RALYL: variants seen among roughly 807,000 people sequenced by gnomAD.
RALYL encodes RNA-binding Raly-like protein.
A neutral mutation model predicts 35.1 loss-of-function variants in RALYL; 29 were observed. That is an observed-to-expected ratio of 0.83 (90% confidence interval 0.61 to 1.13). The LOEUF (loss-of-function observed/expected upper bound fraction) is 1.13, where lower values mean the gene tolerates loss of function less well. Ranked by LOEUF, RALYL falls within the 50% of genes most tolerant of loss-of-function variation. The pLI, the probability that RALYL is intolerant of heterozygous loss-of-function variation, is 0.00. For missense variants in RALYL, 359 were observed against 360.4 expected (o/e 1.00, Z 0.03); for synonymous variants, 120 against 127.6 (o/e 0.94, Z 0.40).
intron 1 of RALYL, among the ~76,000 whole-genome samples, chr8:84,467,317 C>T (rs866271310): frequency 0.035 from 5,346 of 151,112 alleles, 133 homozygotes; most frequent in Non-Finnish European, 0.038. Flanking sequence ...GCTTTGAATG[C>T]GTCCCAGAGA....
chr8:84,318,173 T>C (rs1844117541), intron 1 of RALYL, among the ~76,000 whole-genome samples: 2 of 151,902 alleles, frequency 1.3e-5, no homozygotes, highest in African/African-American at 4.8e-5. Context: ...AACTTCAGCG[T>C]GGCAACAGTA....
intron 1 of RALYL, among the ~76,000 whole-genome samples, chr8:84,226,544 G>T (rs1823921962): frequency 6.6e-6 from 1 of 152,046 alleles, no homozygotes; most frequent in Admixed American, 6.6e-5. Context: ...TCCTGCCTCA[G>T]CCTCCCGAGT....
intron 1 of RALYL, among the ~76,000 whole-genome samples, chr8:84,337,483 G>A (rs1385465863): frequency 1.3e-5 from 2 of 151,970 alleles, no homozygotes; most frequent in Non-Finnish European, 2.9e-5. Flanking sequence ...ATATTGTGGT[G>A]GATAATGGAT....
intron 2 of RALYL, among the ~76,000 whole-genome samples, chr8:84,770,804 T>C (rs991328056): frequency 6.6e-6 from 1 of 152,182 alleles, no homozygotes; most frequent in African/African-American, 2.4e-5. Flanking sequence ...ATTAGTGAAG[T>C]TGAGCATTTT....
intron 1 of RALYL, among the ~76,000 whole-genome samples, chr8:84,469,992 T>C (rs1273141653): frequency 2.6e-5 from 4 of 152,178 alleles, no homozygotes; most frequent in Non-Finnish European, 4.4e-5. Flanking sequence ...CTCGCCCTGC[T>C]TCGGCTCGCG....
chr8:84,821,276 T>G (rs1182510504), intron 4 of RALYL, among the ~76,000 whole-genome samples: 1 of 152,212 alleles, frequency 6.6e-6, no homozygotes, highest in African/African-American at 2.4e-5. Context: ...AAAATAGATA[T>G]CATCATTCAT....
intron 4 of RALYL, among the ~76,000 whole-genome samples, chr8:84,827,488 C>G (rs1346052055): frequency 6.6e-6 from 1 of 152,076 alleles, no homozygotes; most frequent in East Asian, 1.9e-4. Context: ...GTCTTTTGAT[C>G]ACATGAATAG....
At chr8:84,691,266 G>A (rs2132153359) in intron 2 of RALYL, among the ~76,000 whole-genome samples, 1 of 152,088 alleles carries the variant, frequency 6.6e-6, no homozygotes, top group South Asian at 2.1e-4. Flanking sequence ...AAGGGACTTT[G>A]GTTTCTGTCA....
rs1382218896 is a variant in RALYL at position 84,419,936 on chromosome 8, A to G, written c.-23-109363A>G. Among the ~76,000 whole-genome samples the G allele has an allele frequency of 2.0e-5, 3 of 151,224 alleles. No individual in the cohort carries two copies. The East Asian group carries it at 5.8e-4, about 29-fold the overall frequency. On this transcript the variant is annotated intron_variant, in intron 1 of 8. Coordinates refer to ENST00000521268, the MANE Select transcript of RALYL (RefSeq NM_173848.7). The stretch of plus-strand genomic sequence containing the variant: ...TATATGTGCCACATTTTCTTAATCC[A>G]GTCTATCATTGTTGGACATTTGGGT...
chr8:84,896,892 T>C (rs542366481), intron 8 of RALYL, among the ~76,000 whole-genome samples: 1 of 152,230 alleles, frequency 6.6e-6, no homozygotes, highest in South Asian at 2.1e-4. Context: ...ATTTAGCAAA[T>C]AAAATACAGG....
intron 2 of RALYL, among the ~76,000 whole-genome samples, chr8:84,645,468 A>G (rs1827291859): frequency 1.3e-5 from 2 of 151,906 alleles, no homozygotes; most frequent in Non-Finnish European, 2.9e-5. Context: ...TTCAAATCCT[A>G]TCTAAGACAT....
At chr8:84,776,290 A>T (rs999724460) in intron 3 of RALYL, among the ~76,000 whole-genome samples, 1 of 152,188 alleles carries the variant, frequency 6.6e-6, no homozygotes, top group Non-Finnish European at 1.5e-5. Flanking sequence ...AGTCATGCCT[A>T]GTACCCCAGG....
chr8:84,343,393 A>C (rs1217219020), intron 1 of RALYL, among the ~76,000 whole-genome samples: 2 of 152,082 alleles, frequency 1.3e-5, no homozygotes, highest in Non-Finnish European at 2.9e-5. Context: ...GCTGACATTG[A>C]TACCTTTCTA....
chr8:84,236,170 T>A (rs1196838041), intron 1 of RALYL, among the ~76,000 whole-genome samples: 1 of 152,166 alleles, frequency 6.6e-6, no homozygotes, highest in Non-Finnish European at 1.5e-5. Context: ...GTTTGCAACG[T>A]ATATATTACA....
chr8:84,661,121 G>A (rs965864334), intron 2 of RALYL, among the ~76,000 whole-genome samples: 16 of 151,872 alleles, frequency 1.1e-4, no homozygotes, highest in African/African-American at 3.9e-4. Flanking sequence ...GTAGAGACGG[G>A]GTTTCACCGT....
At chr8:84,455,398 T>C (rs890374648) in intron 1 of RALYL, among the ~76,000 whole-genome samples, 6 of 151,994 alleles carry the variant, frequency 3.9e-5, no homozygotes, top group Admixed American at 1.3e-4. Flanking sequence ...GAAGAAACCT[T>C]TCATCAGAGC....
chr8:84,802,497 A>ATAAC (rs368488807), intron 3 of RALYL, among the ~76,000 whole-genome samples: 5,018 of 152,208 alleles, frequency 0.033, 259 homozygotes, highest in African/African-American at 0.11. Flanking sequence ...ACAACTATTA[A>ATAAC]TAACTAGCTA....
intron 1 of RALYL, among the ~76,000 whole-genome samples, chr8:84,297,867 G>A (rs1230219652): frequency 6.6e-6 from 1 of 151,882 alleles, no homozygotes; most frequent in African/African-American, 2.4e-5. Context: ...GACTGTTTAT[G>A]CACTCTGCCC....
intron 2 of RALYL, among the ~76,000 whole-genome samples, chr8:84,760,569 T>C (rs943337049): frequency 2.6e-5 from 4 of 152,118 alleles, no homozygotes; most frequent in African/African-American, 9.6e-5. Flanking sequence ...AGTTGGATTT[T>C]AAAAATGTTT....
Sources: gnomAD v4.1 joint callset for allele counts (sites outside exome capture counted in the v4.1 genomes callset) on GRCh38, gnomAD v4.1.1 for gene constraint, MANE v1.5 for transcripts, NCBI Gene and HGNC (gene_info 2026-07-23, HGNC 2026-07-21) for gene names.